Variants in CHODL observed in about 807,000 individuals in gnomAD.
CHODL encodes the protein transmembrane protein MT75.
Under a neutral mutation model 34.5 loss-of-function variants are expected in CHODL, and 29 were observed. That is an observed-to-expected ratio of 0.84 (90% CI 0.63 to 1.15). The LOEUF (loss-of-function observed/expected upper bound fraction) is 1.15. Ranked by LOEUF, CHODL falls within the 50% of genes most tolerant of loss-of-function variation. CHODL has a pLI of 0.00. For missense variants in CHODL, 332 were observed against 332.5 expected, an observed-to-expected ratio of 1.00 and a Z score of 0.01; for synonymous variants, 125 against 116.1, an observed-to-expected ratio of 1.08 and a Z score of -0.49.
intron 2 of CHODL, among the ~76,000 whole-genome samples, chr21:18,060,307 T>C (rs2064643612): frequency 6.6e-6 from 1 of 151,808 alleles, no homozygotes; most frequent in Admixed American, 6.6e-5. Flanking sequence ...ATACAAAAAT[T>C]GGCCTAGCAT....
chr21:18,207,822 G>A (rs1419851667), intron 2 of CHODL, among the ~76,000 whole-genome samples: 1 of 151,754 alleles, frequency 6.6e-6, no homozygotes, highest in Non-Finnish European at 1.5e-5. Context: ...TCTACTGCCA[G>A]ATGTATTGCA....
intron 2 of CHODL, among the ~76,000 whole-genome samples, chr21:18,188,206 C>A (rs2073466495): frequency 6.6e-6 from 1 of 151,798 alleles, no homozygotes; most frequent in Admixed American, 6.6e-5. Flanking sequence ...TACTTTGTTT[C>A]TTGCCCTCAT....
chr21:18,087,125 C>T (rs2065017276), intron 2 of CHODL, among the ~76,000 whole-genome samples: 1 of 152,184 alleles, frequency 6.6e-6, no homozygotes. Context: ...GCCTCAGCTG[C>T]ATCACCTTGA....
At chr21:17,978,521 A>G (rs1335178447) in intron 1 of CHODL, among the ~76,000 whole-genome samples, 1 of 151,074 alleles carries the variant, frequency 6.6e-6, no homozygotes, top group Non-Finnish European at 1.5e-5. Flanking sequence ...GATCGAGACG[A>G]TCCTGGCTAA....
chr21:17,963,959 A>G (rs555164495), intron 1 of CHODL, among the ~76,000 whole-genome samples: 4 of 152,292 alleles, frequency 2.6e-5, no homozygotes, highest in South Asian at 2.1e-4. Flanking sequence ...TCTTCCATCA[A>G]TAGAAACAAC....
chr21:18,216,634 A>T (rs556846165), intron 2 of CHODL, among the ~76,000 whole-genome samples: 7 of 152,238 alleles, frequency 4.6e-5, no homozygotes, highest in Non-Finnish European at 1.0e-4. Context: ...TCGCACTGCT[A>T]TAAAAAATAC....
intron 1 of CHODL, among the ~76,000 whole-genome samples, chr21:17,979,669 G>T (rs113614174): frequency 6.6e-6 from 1 of 152,212 alleles, no homozygotes; most frequent in South Asian, 2.1e-4. Flanking sequence ...GCAGACAGCA[G>T]TAATGAGTTA....
chr21:18,026,623 C>T (rs2064178465), intron 1 of CHODL, among the ~76,000 whole-genome samples: 1 of 152,202 alleles, frequency 6.6e-6, no homozygotes, highest in South Asian at 2.1e-4. Context: ...ATGTGACTTT[C>T]CCTCTATTAC....
rs186029074 is a variant in CHODL, at chr21:18,100,401, A to G, written c.-45+72430A>G. 1.5e-3 allele frequency among the ~76,000 whole-genome samples: 230 copies of G among 152,252 alleles called. 1 individual carries two copies. The highest frequency in any genetic ancestry group is 1.9e-3 in the Non-Finnish European group (130 of 68,006). On this transcript the variant is annotated intron_variant, in intron 2 of 6. Coordinates refer to the CHODL transcript ENST00000400127. ...GGTGGAGTAAATAACAGAGGAACTA[A>G]AAGTAGGAATATAACTAGACTGGGT...
intron 2 of CHODL, among the ~76,000 whole-genome samples, chr21:18,164,068 G>T (rs2824674): frequency 0.11 from 17,066 of 152,182 alleles, 1,181 homozygotes; most frequent in South Asian, 0.17. Context: ...AAGTGGTTTT[G>T]GGTTGTAGTC....
chr21:18,006,351 T>C (rs558612963), intron 1 of CHODL, among the ~76,000 whole-genome samples: 227 of 134,152 alleles, frequency 1.7e-3, no homozygotes, highest in Non-Finnish European at 2.7e-3. Context: ...GAACTTAAAA[T>C]AAAAGAAAAA....
intron 2 of CHODL, among the ~76,000 whole-genome samples, chr21:18,067,175 C>T (rs1271910732): frequency 2.0e-5 from 3 of 152,092 alleles, no homozygotes; most frequent in African/African-American, 4.8e-5. Context: ...GATGTCTGAG[C>T]TAGTGGGAAA....
At chr21:18,145,444 A>T (rs1013057387) in intron 2 of CHODL, among the ~76,000 whole-genome samples, 1 of 151,010 alleles carries the variant, frequency 6.6e-6, no homozygotes, top group African/African-American at 2.4e-5. Flanking sequence ...TCAAAAAAAA[A>T]AAAAAAAAAA....
chr21:17,920,079 G>T (rs775477785), intron 1 of CHODL, among the ~76,000 whole-genome samples: 12 of 152,104 alleles, frequency 7.9e-5, no homozygotes, highest in Non-Finnish European at 1.6e-4. Context: ...CAAGTCTCTA[G>T]GGAGTTCCAA....
intron 2 of CHODL, among the ~76,000 whole-genome samples, chr21:18,226,763 T>C (rs951812716): frequency 6.6e-6 from 1 of 152,160 alleles, no homozygotes; most frequent in African/African-American, 2.4e-5. Context: ...AGTAAATATA[T>C]GGATTAATAT....
intron 2 of CHODL, among the ~76,000 whole-genome samples, chr21:18,030,303 A>G (rs1177411605): frequency 1.3e-5 from 2 of 152,198 alleles, no homozygotes; most frequent in Non-Finnish European, 2.9e-5. Context: ...CCTGGTTGCC[A>G]GTCCATGTCT....
intron 1 of CHODL, among the ~76,000 whole-genome samples, chr21:18,006,009 A>G (rs157750): frequency 0.39 from 59,611 of 152,064 alleles, 14,689 homozygotes; most frequent in African/African-American, 0.71. Context: ...TGCTGTTCTC[A>G]AGATAGTGAA....
At chr21:18,150,018 G>C (rs1017793212) in intron 2 of CHODL, among the ~76,000 whole-genome samples, 4 of 152,156 alleles carry the variant, frequency 2.6e-5, no homozygotes, top group African/African-American at 9.7e-5. Flanking sequence ...ATTTTAGGGA[G>C]ATATGAGATT....
At chr21:18,116,201 A>C (rs1318166355) in intron 2 of CHODL, among the ~76,000 whole-genome samples, 1 of 152,162 alleles carries the variant, frequency 6.6e-6, no homozygotes, top group East Asian at 1.9e-4. Context: ...CAATACCTTA[A>C]GTTTTAAAGC....
Sources: allele counts gnomAD v4.1 joint callset (sites outside exome capture counted in the v4.1 genomes callset), GRCh38; gene constraint gnomAD v4.1.1; transcripts MANE v1.5; gene names NCBI Gene and HGNC (gene_info 2026-07-23, HGNC 2026-07-21).